The following RAPGEF3 variants were observed in gnomAD, a reference collection of about 807,000 sequenced individuals.
The protein encoded by RAPGEF3 is Rap guanine nucleotide exchange factor 3.
Under a neutral mutation model 129.8 loss-of-function variants are expected in RAPGEF3, and 103 were observed. The ratio of observed to expected loss-of-function variants is 0.79; its 90% CI spans 0.68 to 0.93. The LOEUF is 0.93. RAPGEF3 is among the 40% of genes least tolerant of loss of function. The pLI is 0.00. For synonymous variants in RAPGEF3, 436 were observed against 482.6 expected, an observed-to-expected ratio of 0.90 and a Z score of 1.26; for missense variants, 1,117 against 1,207.4, an observed-to-expected ratio of 0.93 and a Z score of 1.11.
rs1261375771 is a variant in RAPGEF3, at chr12:47,751,393, GC to G, written c.502+5del. 1 of 1,613,810 alleles carries G rather than the reference GC, an allele frequency of 6.2e-7. No individual in the cohort carries two copies. Reference sequence around the variant, plus strand: ...CCGGGGCACCCCACCCTGGGCTCGGGCTCACCATGGCAGAGGGCACCTTCAT... The same window carrying G: ...CCGGGGCACCCCACCCTGGGCTCGGGTCACCATGGCAGAGGGCACCTTCAT... On this transcript the variant is annotated splice_donor_5th_base_variant and intron_variant, in intron 5 of 27. Transcript: ENST00000449771.
chr12:47,748,898 G>T lies in RAPGEF3; in HGVS notation c.1075C>A (p.His359Asn). The change falls in exon 11 of 28, where the codon CAT becomes AAT. Residue 359 changes from histidine to asparagine, a missense_variant. Coordinates refer to ENST00000449771, the MANE Select transcript of RAPGEF3 (RefSeq NM_001098531.4). ...VEAKTMRLEE[H>N]GKVVLVLERA... is the part of the protein sequence containing the mutation. Reference sequence around the variant, plus strand: ...TCCAGCACCAGCACCACTTTGCCATGTTCTTCCAGCCGCATGGTCTTTGCC... The same window carrying T: ...TCCAGCACCAGCACCACTTTGCCATTTTCTTCCAGCCGCATGGTCTTTGCC... 6.2e-7 allele frequency: 1 copy of T among 1,614,070 alleles called. No individual in the cohort carries two copies. Among genetic ancestry groups the T allele is most frequent in the East Asian group, 2.2e-5 (1 of 44,878 alleles).
At chr12:47,752,967 C>T (rs377357932) in intron 2 of RAPGEF3, among the ~76,000 whole-genome samples, 9 of 152,310 alleles carry the variant, frequency 5.9e-5, no homozygotes, top group East Asian at 3.9e-4. Context: ...GCCATGAAAG[C>T]CCCTCACGAC....
rs777820634 is a variant in RAPGEF3 at position 47,751,185 on chromosome 12, A to G, written c.534T>C (p.Asp178=). 10 of 1,553,248 alleles carry G rather than the reference A, an allele frequency of 6.4e-6. No individual in the cohort carries two copies. The South Asian group carries it at 1.2e-4, about 18-fold the overall frequency. ...VKHDWAFQDR[D]AQFYRFPGPE... ...GCCCGGGGAACCGGTAGAATTGGGC[A>G]TCTCGGTCCTGGAAGGCCCAGTCGT... is the stretch of plus-strand genomic sequence containing the variant. The change falls in exon 6 of 28, where the codon GAT becomes GAC. Residue 178 remains aspartate, a synonymous_variant. Transcript: ENST00000449771.
intron 1 of RAPGEF3, 195 bp from the exon 2 acceptor site, chr12:47,758,273 G>T: frequency 2.1e-6 from 3 of 1,431,274 alleles, no homozygotes; most frequent in Non-Finnish European, 2.7e-6. Context: ...CGCACTTAGG[G>T]GTCTCCAGCT....
At position 47,737,669 on chromosome 12, in the gene RAPGEF3, C is replaced by T. The variant is rs1395047717; in HGVS notation, c.2670G>A (p.Leu890=). 6.2e-7 allele frequency: 1 copy of T among 1,613,394 alleles called. No homozygotes were observed. Among genetic ancestry groups the T allele is most frequent in the Non-Finnish European group, 8.5e-7 (1 of 1,179,946 alleles). ...ARISTCSEQS[L]STRSPASTWA... ...AGGTGCTGGCTGGACTCCGGGTGCTCAGGGACTGCTCCGAGCCTGGTGGAG... is the reference window on the plus strand; with the variant it reads ...AGGTGCTGGCTGGACTCCGGGTGCTTAGGGACTGCTCCGAGCCTGGTGGAG... Residue 890 remains leucine, a synonymous_variant, in exon 28 of 28, where the codon CTG becomes CTA. Transcript: ENST00000449771.
chr12:47,742,865 T>A (rs1044253669), intron 18 of RAPGEF3, among the ~76,000 whole-genome samples: 1 of 152,208 alleles, frequency 6.6e-6, no homozygotes, highest in African/African-American at 2.4e-5. Context: ...CTGACCTGTT[T>A]TACCTGCTGT....
In RAPGEF3 at chr12:47,757,937, G is replaced by T; in HGVS notation, c.148C>A (p.Arg50=). ...LLNMVLRRMH[R]PRSCSYQLLL... is the part of the protein sequence containing the mutation. The stretch of plus-strand genomic sequence containing the variant: ...AGCTGGTAGGAGCAGCTTCGGGGCC[G>T]GTGCATCCTTCTCAACACCATGTTG... Residue 50 remains arginine (R), a synonymous_variant, in exon 2 of 28, where the codon CGG becomes AGG. Coordinates refer to ENST00000449771, the MANE Select transcript of RAPGEF3 (RefSeq NM_001098531.4). 6.4e-7 allele frequency: 1 copy of T among 1,557,484 alleles called. No individual in the cohort carries two copies.
At position 47,749,573 on chromosome 12, in the gene RAPGEF3, C is replaced by T; in HGVS notation, c.895-37G>A. The stretch of plus-strand genomic sequence containing the variant: ...CCTCAGTCTCAGCCCGCCCCTGCCG[C>T]CCCTGCCGCCCCCAGCTCTTGCCAG... On this transcript the variant is annotated intron_variant, in intron 9 of 27. Coordinates refer to ENST00000449771, the MANE Select transcript of RAPGEF3 (RefSeq NM_001098531.4). The surrounding 1 kb of genome is among the most constrained non-coding windows in gnomAD (Gnocchi z 4.5). 6.4e-7 allele frequency: 1 copy of T among 1,557,736 alleles called. No individual in the cohort carries two copies. The highest frequency in any genetic ancestry group is 8.7e-7 in the Non-Finnish European group (1 of 1,154,592).
intron 23 of RAPGEF3, chr12:47,739,674 C>G (rs1941023798): frequency 2.7e-6 from 1 of 363,924 alleles, no homozygotes; most frequent in African/African-American, 2.1e-5. Flanking sequence ...CTCAAAAGTT[C>G]CTGGAGGTGG....
chr12:47,749,457 A>G lies in RAPGEF3; in HGVS notation c.974T>C (p.Ile325Thr). 6.2e-7 allele frequency: 1 copy of G among 1,613,346 alleles called. No homozygotes were observed. The highest frequency in any genetic ancestry group is 8.5e-7 in the Non-Finnish European group (1 of 1,180,006). Residue 325 changes from isoleucine to threonine, a missense_variant, in exon 10 of 28, where the codon ATC (isoleucine) becomes ACC (threonine). By Grantham distance (89) the Ile-to-Thr change is moderately conservative. Transcript: ENST00000449771. The surrounding 1 kb of genome is among the most constrained non-coding windows in gnomAD (Gnocchi z 4.5). ...ATGACAGTTGTCTTCTCGCAGGATG[A>G]TGGTGGCTGCCCGGGGTGCATCATT... ...LVNDAPRAAT[I>T]ILREDNCHFL... is the part of the protein sequence containing the mutation.
Position 47,749,692 on chromosome 12 carries a change from G to A in RAPGEF3, c.894+49C>T. On this transcript the variant is annotated intron_variant, in intron 9 of 27. Coordinates refer to ENST00000449771, the MANE Select transcript of RAPGEF3 (RefSeq NM_001098531.4). The surrounding 1 kb of genome is among the most constrained non-coding windows in gnomAD (Gnocchi z 4.5). ...CACTGCCCATGAGGACATGGACCAGGGAGCAGTTAGGACCCAGGGCACTGG... is the reference window on the plus strand; with the variant it reads ...CACTGCCCATGAGGACATGGACCAGAGAGCAGTTAGGACCCAGGGCACTGG... 6.2e-7 allele frequency: 1 copy of A among 1,609,764 alleles called. No homozygotes were observed.
At chr12:47,744,337 A>C in intron 16 of RAPGEF3, 3 of 434,838 alleles carry the variant, frequency 6.9e-6, no homozygotes, top group South Asian at 3.9e-5. Flanking sequence ...GGTCCAGAGC[A>C]GTTCTAATAT....
At chr12:47,750,320 G>T (rs775449214) in intron 7 of RAPGEF3, 21 bp downstream of exon 7, 8 of 1,607,674 alleles carry the variant, frequency 5.0e-6, no homozygotes, top group Non-Finnish European at 6.8e-6. Context: ...ACGGGGCAGG[G>T]CTGGGAGGGG....
chr12:47,757,773 AGC>A, intron 2 of RAPGEF3, 91 bp downstream of exon 2: 1 of 1,261,334 alleles, frequency 7.9e-7, no homozygotes, highest in Non-Finnish European at 1.1e-6. Flanking sequence ...CCCCAGAGCA[AGC>A]TGGGCCACCA....
At chr12:47,737,998 C>CCCCCCCCCA in intron 27 of RAPGEF3, 24 bp downstream of exon 27, 6 of 1,606,200 alleles carry the variant, frequency 3.7e-6, no homozygotes, top group East Asian at 2.2e-5. Flanking sequence ...CCTCCCTGCC[C>CCCCCCCCCA]ACCCACCATC....
intron 19 of RAPGEF3, chr12:47,741,295 G>A (rs936845733): frequency 6.0e-6 from 4 of 668,300 alleles, no homozygotes; most frequent in African/African-American, 5.4e-5. Context: ...CTCCTTGGGA[G>A]CTCCCAACCA....
At position 47,751,822 on chromosome 12, in the gene RAPGEF3, G is replaced by T. The variant is rs374863478; in HGVS notation, c.281C>A (p.Thr94Lys). ...CCTCCCAGCCCTGAGCACCCGCTCT[G>T]TGGAGGCCTTAGAGGGAGGAAGGGC... ...DFSESLEQASTERVLRAGRQL... is the reference protein window; with the variant it reads ...DFSESLEQASKERVLRAGRQL... Residue 94 changes from threonine to lysine, a missense_variant, in exon 4 of 28, where the codon ACA becomes AAA. This residue lies in a region of RAPGEF3 where 367 missense variants were observed against 373.4 expected (regional missense o/e 0.98). Transcript: ENST00000449771. The T allele has an allele frequency of 2.0e-5, 32 of 1,614,198 alleles. No individual in the cohort carries two copies. The highest frequency in any genetic ancestry group is 2.5e-5 in the Non-Finnish European group (30 of 1,180,020).
rs778306368 is a variant in RAPGEF3 at position 47,748,835 on chromosome 12, T to C, written c.1138A>G (p.Thr380Ala). ...GTGTATTACCGGTTCCTGCCTGGGG[T>C]TGGGGGTCGGGAAGGGCCGGCGCCC... ...SQGAGPSRPP[T>A]PGRNRYTVMS... Residue 380 changes from threonine to alanine, a missense_variant, in exon 11 of 28, where the codon ACC becomes GCC. By Grantham distance (58) the Thr-to-Ala change is moderately conservative. This residue lies in a region of RAPGEF3 where 107 missense variants were observed against 160.7 expected (regional missense o/e 0.67). Coordinates refer to ENST00000449771, the MANE Select transcript of RAPGEF3 (RefSeq NM_001098531.4). 1 of 1,612,684 alleles carries C rather than the reference T, an allele frequency of 6.2e-7. No homozygotes were observed. The highest frequency in any genetic ancestry group is 1.1e-5 in the South Asian group (1 of 91,040).
At position 47,749,434 on chromosome 12, in the gene RAPGEF3, GAC is replaced by G; in HGVS notation, c.995_996del (p.Cys332SerfsTer80). ...TCCTGCTTGTCCACACGCAGGAAAT[GAC>G]AGTTGTCTTCTCGCAGGATGATGGT... ...AATIILREDN[C>X]HFLRVDKQDF... On this transcript the variant is annotated frameshift_variant, in exon 10 of 28. Coordinates refer to ENST00000449771, the MANE Select transcript of RAPGEF3 (RefSeq NM_001098531.4). LOFTEE classifies it high-confidence loss of function. The surrounding 1 kb of genome is among the most constrained non-coding windows in gnomAD (Gnocchi z 4.5). 6.2e-7 allele frequency: 1 copy of G among 1,613,326 alleles called. No homozygotes were observed. The highest frequency in any genetic ancestry group is 8.5e-7 in the Non-Finnish European group (1 of 1,180,000).
Sources: gnomAD v4.1 joint callset for allele counts (sites outside exome capture counted in the v4.1 genomes callset) on GRCh38, gnomAD v4.1.1 for gene constraint, gnomAD v4.1.1 regional missense constraint, Gnocchi (gnomAD v3.1) non-coding constraint, MANE v1.5 for transcripts, NCBI Gene and HGNC (gene_info 2026-07-23, HGNC 2026-07-21) for gene names.